The following PRKN variants were observed in gnomAD, a reference collection of about 807,000 sequenced individuals.
PRKN encodes E3 ubiquitin-protein ligase parkin.
In PRKN, 56 loss-of-function variants were observed where a neutral mutation model predicts 59.5. The ratio of observed to expected loss-of-function variants is 0.94; its 90% CI spans 0.76 to 1.18. The LOEUF (loss-of-function observed/expected upper bound fraction) is 1.18. Among genes scored for constraint, PRKN ranks in the 50% most tolerant of loss-of-function variants. The probability of loss-of-function intolerance (pLI) is 0.00; values close to 1 mark genes in which losing one functional copy is unlikely to be tolerated. For missense variants in PRKN, 657 were observed against 596.4 expected (o/e 1.10, Z -1.06); for synonymous variants, 250 against 222.1 (o/e 1.13, Z -1.12).
chr6:161,723,529 C>T (rs1030382348), intron 7 of PRKN, among the ~76,000 whole-genome samples: 1 of 152,062 alleles, frequency 6.6e-6, no homozygotes, highest in African/African-American at 2.4e-5. Context: ...TTGTTGGCGG[C>T]TGGGAGAAAT....
At chr6:161,368,202 T>C (rs901522954) in intron 10 of PRKN, among the ~76,000 whole-genome samples, 1 of 150,538 alleles carries the variant, frequency 6.6e-6, no homozygotes, top group Admixed American at 6.7e-5. Context: ...AGTGCGACGG[T>C]CAGGAGTTCA....
chr6:162,344,480 G>A (rs1784314357), intron 2 of PRKN, among the ~76,000 whole-genome samples: 1 of 151,944 alleles, frequency 6.6e-6, no homozygotes, highest in Non-Finnish European at 1.5e-5. Context: ...CTGAAATGAT[G>A]CCAAGGGGTG....
At chr6:162,150,261 T>A (rs1020292257) in intron 4 of PRKN, among the ~76,000 whole-genome samples, 19 of 152,334 alleles carry the variant, frequency 1.2e-4, no homozygotes, top group Non-Finnish European at 2.5e-4. Context: ...TGTGGGCTAA[T>A]CTGTAATGGA....
intron 2 of PRKN, among the ~76,000 whole-genome samples, chr6:162,423,007 A>C (rs1445852416): frequency 2.7e-5 from 4 of 149,108 alleles, no homozygotes; most frequent in African/African-American, 4.9e-5. Flanking sequence ...AAAAATGATT[A>C]TTCTTCTAGT....
chr6:162,398,755 C>T (rs1787614502), intron 2 of PRKN, among the ~76,000 whole-genome samples: 1 of 152,174 alleles, frequency 6.6e-6, no homozygotes, highest in South Asian at 2.1e-4. Flanking sequence ...ATGCAAATCT[C>T]CTTTTCTCTA....
At chr6:162,277,919 T>C (rs1377941627) in intron 2 of PRKN, among the ~76,000 whole-genome samples, 1 of 152,176 alleles carries the variant, frequency 6.6e-6, no homozygotes, top group African/African-American at 2.4e-5. Flanking sequence ...ACCTGGAGTA[T>C]TTACCCAAAG....
intron 4 of PRKN, among the ~76,000 whole-genome samples, chr6:162,173,734 A>G (rs1358062298): frequency 1.3e-5 from 2 of 152,150 alleles, no homozygotes; most frequent in African/African-American, 4.8e-5. Context: ...GATGACTCCC[A>G]GAGTTCAAAT....
intron 7 of PRKN, among the ~76,000 whole-genome samples, chr6:161,656,302 C>T (rs749995640): frequency 9.9e-5 from 15 of 152,202 alleles, no homozygotes; most frequent in African/African-American, 1.9e-4. Flanking sequence ...CATCCATCCG[C>T]GCCTCTCACA....
At position 161,495,518 on chromosome 6, in the gene PRKN, C is replaced by T. The variant is rs1256716055; in HGVS notation, c.1083+53336G>A. Among the ~76,000 whole-genome samples the T allele has an allele frequency of 2.6e-5, 4 of 152,326 alleles. No individual in the cohort carries two copies. In the South Asian group the frequency reaches 6.2e-4, roughly 24 times the overall value. ...ACCTGAGATGTAAACGAAAGTGAAG[C>T]GTGCCATTTCTGGGTTACGCCCTTA... On this transcript the variant is annotated intron_variant, in intron 9 of 11. Coordinates refer to ENST00000366898, the MANE Select transcript of PRKN (RefSeq NM_004562.3).
chr6:162,221,126 T>A (rs1777913422), intron 3 of PRKN, among the ~76,000 whole-genome samples: 1 of 152,204 alleles, frequency 6.6e-6, no homozygotes, highest in East Asian at 1.9e-4. Flanking sequence ...TAGTTTCTTT[T>A]TTAAGACTAA....
At chr6:162,260,936 C>T (rs1333357422) in intron 3 of PRKN, among the ~76,000 whole-genome samples, 1 of 151,944 alleles carries the variant, frequency 6.6e-6, no homozygotes, top group African/African-American at 2.4e-5. Flanking sequence ...GGGTTTGGTA[C>T]CATTTTTGGT....
At chr6:161,710,588 G>C (rs1470042616) in intron 7 of PRKN, among the ~76,000 whole-genome samples, 2 of 152,096 alleles carry the variant, frequency 1.3e-5, no homozygotes, top group Non-Finnish European at 2.9e-5. Context: ...TCATAAGAAT[G>C]ATTTGATGAT....
At chr6:162,722,595 C>T (rs76030170) in intron 1 of PRKN, among the ~76,000 whole-genome samples, 3,101 of 152,286 alleles carry the variant, frequency 0.02, 119 homozygotes, top group African/African-American at 0.07. Context: ...AAACAATTTT[C>T]ATTGATCAAA....
At chr6:162,238,955 A>C (rs954639073) in intron 3 of PRKN, among the ~76,000 whole-genome samples, 2 of 152,198 alleles carry the variant, frequency 1.3e-5, no homozygotes, top group African/African-American at 4.8e-5. Context: ...ACTTACTATG[A>C]TACTGGAGAC....
rs1786914564 is a variant in PRKN, at chr6:161,399,172, C to T, written c.1084-12295G>A. Among the ~76,000 whole-genome samples, 1 of 152,150 alleles carries T rather than the reference C, an allele frequency of 6.6e-6. No individual in the cohort carries two copies. Among genetic ancestry groups the T allele is most frequent in the Admixed American group, 6.5e-5 (1 of 15,282 alleles). On this transcript the variant is annotated intron_variant, in intron 9 of 11. Transcript: ENST00000366898. This position sits in a 1 kb window ranked among gnomAD's most constrained non-coding sequence, Gnocchi z 4.4. ...GGGGAAGATCATCTTTCTACTCCAT[C>T]CCCTTTCCAGCTCCCCATCCATCCA... is the stretch of plus-strand genomic sequence containing the variant.
At position 162,329,657 on chromosome 6, in the gene PRKN, C is replaced by T. The variant is rs574286570; in HGVS notation, c.172-66892G>A. ...GGGGAACTAAGAACAAACTTTTGCTCGAAGCCCTACTCTAGAAAGAATTCT... is the reference window on the plus strand; with the variant it reads ...GGGGAACTAAGAACAAACTTTTGCTTGAAGCCCTACTCTAGAAAGAATTCT... On this transcript the variant is annotated intron_variant, in intron 2 of 11. Transcript: ENST00000366898. Among the ~76,000 whole-genome samples the T allele has an allele frequency of 1.6e-4, 25 of 151,930 alleles. 1 individual carries two copies. The South Asian group carries it at 4.8e-3, about 29-fold the overall frequency.
intron 6 of PRKN, among the ~76,000 whole-genome samples, chr6:161,832,137 A>G (rs1402099171): frequency 6.6e-6 from 1 of 152,238 alleles, no homozygotes; most frequent in African/African-American, 2.4e-5. Flanking sequence ...ACACTTTTCA[A>G]TTAGCAACCA....
chr6:162,307,798 G>GTAA (rs529782786), intron 2 of PRKN, among the ~76,000 whole-genome samples: 17 of 151,732 alleles, frequency 1.1e-4, no homozygotes, highest in Non-Finnish European at 1.8e-4. Flanking sequence ...TTCTCCGCTA[G>GTAA]TAATAAGAAG....
At chr6:162,132,372 G>A (rs1781399276) in intron 4 of PRKN, among the ~76,000 whole-genome samples, 2 of 152,050 alleles carry the variant, frequency 1.3e-5, no homozygotes, top group South Asian at 2.1e-4. Flanking sequence ...CCTCGACCAC[G>A]GACAGGCCAT....
Sources: allele counts gnomAD v4.1 joint callset (sites outside exome capture counted in the v4.1 genomes callset), GRCh38; gene constraint gnomAD v4.1.1; non-coding constraint Gnocchi (gnomAD v3.1); transcripts MANE v1.5; gene names NCBI Gene and HGNC (gene_info 2026-07-23, HGNC 2026-07-21).